Variants in ROBO2 observed in about 807,000 individuals in gnomAD.
ROBO2 encodes the protein roundabout guidance receptor 2, also known as roundabout homolog 2.
ROBO2 carries 53 observed loss-of-function variants against 160.8 expected under a neutral mutation model. The ratio of observed to expected loss-of-function variants is 0.33; its 90% CI spans 0.26 to 0.41. The LOEUF (loss-of-function observed/expected upper bound fraction) is 0.41. Among genes scored for constraint, ROBO2 ranks in the 10% least tolerant of loss-of-function variants. The pLI is 1.00. For missense variants in ROBO2, 1,577 were observed against 1,722.4 expected, an observed-to-expected ratio of 0.92 and a Z score of 1.49; for synonymous variants, 664 against 611.7, an observed-to-expected ratio of 1.09 and a Z score of -1.26.
intron 2 of ROBO2, among the ~76,000 whole-genome samples, chr3:76,828,738 C>T (rs887812909): frequency 6.6e-6 from 1 of 152,094 alleles, no homozygotes; most frequent in Non-Finnish European, 1.5e-5. Flanking sequence ...TCTAAGCATA[C>T]CTGGTCCCTT....
At chr3:76,581,487 A>G (rs111748857) in intron 2 of ROBO2, among the ~76,000 whole-genome samples, 551 of 152,248 alleles carry the variant, frequency 3.6e-3, no homozygotes, top group South Asian at 5.6e-3. Flanking sequence ...AAAATAAAAA[A>G]ATCAGCTAGG....
intron 2 of ROBO2, among the ~76,000 whole-genome samples, chr3:76,667,902 T>C (rs1264329380): frequency 1.3e-5 from 2 of 152,114 alleles, no homozygotes; most frequent in South Asian, 4.1e-4. Flanking sequence ...CACTACTGAA[T>C]AAAGCACAGT....
intron 2 of ROBO2, among the ~76,000 whole-genome samples, chr3:77,004,766 C>A (rs2061496637): frequency 6.6e-6 from 1 of 152,090 alleles, no homozygotes; most frequent in Non-Finnish European, 1.5e-5. Flanking sequence ...AAAATAATGT[C>A]ATGATGATGA....
intron 2 of ROBO2, among the ~76,000 whole-genome samples, chr3:76,053,010 T>G (rs187061498): frequency 1.3e-5 from 2 of 152,024 alleles, no homozygotes; most frequent in Non-Finnish European, 2.9e-5. Context: ...GCTTTAACTT[T>G]GAGATAATTT....
chr3:76,006,795 AT>A (rs1196196957), intron 2 of ROBO2, among the ~76,000 whole-genome samples: 4 of 152,002 alleles, frequency 2.6e-5, no homozygotes, highest in Non-Finnish European at 4.4e-5. Context: ...TCTAAAATTT[AT>A]TTTTTTGCTT....
chr3:77,635,032 G>A (rs1424314112), exon 24 of ROBO2: 3 of 1,614,046 alleles, frequency 1.9e-6, no homozygotes, highest in South Asian at 2.2e-5. Context: ...CGAAGGGAAG[G>A]AATGACAGAT....
chr3:77,214,137 T>A (rs2151126722), intron 2 of ROBO2, among the ~76,000 whole-genome samples: 1 of 152,300 alleles, frequency 6.6e-6, no homozygotes, highest in Non-Finnish European at 1.5e-5. Context: ...ATATCCTTGT[T>A]AACTTTCTGT....
chr3:76,020,370 G>A (rs886538433), intron 2 of ROBO2, among the ~76,000 whole-genome samples: 4 of 151,618 alleles, frequency 2.6e-5, no homozygotes, highest in East Asian at 1.9e-4. Flanking sequence ...TACGATGACC[G>A]TTATATTTGG....
chr3:76,847,299 A>T (rs2068863387), intron 2 of ROBO2, among the ~76,000 whole-genome samples: 1 of 152,160 alleles, frequency 6.6e-6, no homozygotes, highest in Non-Finnish European at 1.5e-5. Flanking sequence ...GATGGGTTTA[A>T]TGAGGCCAGC....
At chr3:77,231,566 TA>T (rs540686812) in intron 2 of ROBO2, among the ~76,000 whole-genome samples, 75 of 152,084 alleles carry the variant, frequency 4.9e-4, no homozygotes, top group African/African-American at 1.7e-3. Flanking sequence ...ACTAAGAAAA[TA>T]GAGGTGGCCA....
chr3:76,565,044 C>T (rs2084427761), intron 2 of ROBO2, among the ~76,000 whole-genome samples: 1 of 152,122 alleles, frequency 6.6e-6, no homozygotes, highest in African/African-American at 2.4e-5. Context: ...CCATCCCAGG[C>T]AAGCTAAGAC....
chr3:76,419,440 CTTT>C (rs11435799), intron 2 of ROBO2, among the ~76,000 whole-genome samples: 1 of 146,414 alleles, frequency 6.8e-6, no homozygotes, highest in East Asian at 2.0e-4. Context: ...TTACAAACAT[CTTT>C]TTTTTTTTTA....
chr3:77,162,447 G>A (rs2078581084), intron 2 of ROBO2, among the ~76,000 whole-genome samples: 1 of 152,280 alleles, frequency 6.6e-6, no homozygotes, highest in Non-Finnish European at 1.5e-5. Flanking sequence ...AATTACCGTT[G>A]TCTTCTGTGT....
At chr3:76,017,939 TG>T in intron 2 of ROBO2, among the ~76,000 whole-genome samples, 1 of 152,208 alleles carries the variant, frequency 6.6e-6, no homozygotes, top group Non-Finnish European at 1.5e-5. Context: ...AAAAATGTTT[TG>T]TTAGATTTTC....
intron 2 of ROBO2, among the ~76,000 whole-genome samples, chr3:77,473,110 T>G (rs1264621976): frequency 6.6e-6 from 1 of 151,926 alleles, no homozygotes; most frequent in South Asian, 2.1e-4. Context: ...ATAGATGAGC[T>G]TGAGGATGCG....
intron 6 of ROBO2, among the ~76,000 whole-genome samples, chr3:77,539,500 G>T (rs1454800944): frequency 1.3e-5 from 2 of 151,898 alleles, no homozygotes; most frequent in African/African-American, 4.8e-5. Context: ...GTAAGTCACT[G>T]TCACTGGTGG....
intron 2 of ROBO2, among the ~76,000 whole-genome samples, chr3:76,349,904 C>T (rs570123194): frequency 2.0e-5 from 3 of 152,018 alleles, no homozygotes; most frequent in African/African-American, 7.2e-5. Flanking sequence ...TAAGCATGCC[C>T]GCCCATTGCT....
intron 2 of ROBO2, among the ~76,000 whole-genome samples, chr3:76,146,699 T>TGTGTGC (rs200835384): frequency 0.04 from 5,788 of 144,446 alleles, 287 homozygotes; most frequent in East Asian, 0.21. Flanking sequence ...TTACATAGGG[T>TGTGTGC]GTGTGTGTGT....
intron 2 of ROBO2, among the ~76,000 whole-genome samples, chr3:77,450,350 G>A (rs932933462): frequency 9.9e-5 from 15 of 152,040 alleles, no homozygotes; most frequent in African/African-American, 3.6e-4. Flanking sequence ...TAGAGAAAAA[G>A]GGCCCTGGAT....
Sources: gnomAD v4.1 joint callset for allele counts (sites outside exome capture counted in the v4.1 genomes callset) on GRCh38, gnomAD v4.1.1 for gene constraint, MANE v1.5 for transcripts, NCBI Gene and HGNC (gene_info 2026-07-23, HGNC 2026-07-21) for gene names.